The following PDE4DIP variants were observed in gnomAD, a reference collection of about 807,000 sequenced individuals.
The protein encoded by PDE4DIP is myomegalin.
In PDE4DIP, 59 loss-of-function variants were observed where a neutral mutation model predicts 221.4. The observed-to-expected ratio is 0.27, with a 90% CI of 0.22 to 0.33. The LOEUF (loss-of-function observed/expected upper bound fraction) is 0.33, where lower values mean the gene tolerates loss of function less well. PDE4DIP is among the 10% of genes least tolerant of loss of function. The pLI is 1.00. For synonymous variants in PDE4DIP, 404 were observed against 815.9 expected (o/e 0.50, Z 8.60); for missense variants, 1,036 against 2,154.2 (o/e 0.48, Z 10.28).
intron 37 of PDE4DIP, among the ~76,000 whole-genome samples, chr1:149,023,611 CACATATATATGTACATGTATATGTGT>C (rs2073876301): frequency 2.1e-5 from 3 of 141,820 alleles, no homozygotes; most frequent in Non-Finnish European, 4.6e-5. Flanking sequence ...TATATGTGTG[CACATATATATGTACATGTATATGTGT>C]GCACATATAT....
At chr1:148,929,818 T>G (rs1259593247) in intron 2 of PDE4DIP, 1 of 152,864 alleles carries the variant, frequency 6.5e-6, no homozygotes, top group East Asian at 1.9e-4. Context: ...TAAGGATGTT[T>G]ATTGCATCAT....
chr1:148,944,274 G>T (rs2051123161), intron 5 of PDE4DIP, among the ~76,000 whole-genome samples: 1 of 152,130 alleles, frequency 6.6e-6, no homozygotes, highest in Non-Finnish European at 1.5e-5. Flanking sequence ...AGGTGGAGGT[G>T]GTAGTGATAG....
intron 1 of PDE4DIP, among the ~76,000 whole-genome samples, chr1:148,898,723 C>T (rs1240346230): frequency 1.2e-5 from 1 of 84,522 alleles, no homozygotes; most frequent in Non-Finnish European, 2.2e-5. Context: ...GGGTTTTCAC[C>T]ACGTTAGCCA....
chr1:148,954,551 G>C (rs1342624530), intron 5 of PDE4DIP, among the ~76,000 whole-genome samples: 1 of 114,458 alleles, frequency 8.7e-6, no homozygotes, highest in Non-Finnish European at 1.9e-5. Flanking sequence ...AGTATTGTCA[G>C]TCAAAAGATT....
intron 5 of PDE4DIP, among the ~76,000 whole-genome samples, chr1:148,943,179 CA>C (rs2151012143): frequency 2.3e-5 from 1 of 43,522 alleles, no homozygotes; most frequent in South Asian, 1.0e-3. Flanking sequence ...ATTAGTAGCT[CA>C]GGCAGCTCCG....
At chr1:148,883,897 ATAGGCCTGT>A (rs1694813975) in intron 3 of PDE4DIP, among the ~76,000 whole-genome samples, 2 of 70,896 alleles carry the variant, frequency 2.8e-5, no homozygotes, top group Admixed American at 3.4e-4. Context: ...TTATCAACAT[ATAGGCCTGT>A]TTGCCATGAG....
At chr1:148,976,073 T>G (rs2060120773) in intron 17 of PDE4DIP, among the ~76,000 whole-genome samples, 1 of 151,452 alleles carries the variant, frequency 6.6e-6, no homozygotes, top group Non-Finnish European at 1.5e-5. Context: ...TTAGCCATTA[T>G]CTGATTATTC....
intron 1 of PDE4DIP, among the ~76,000 whole-genome samples, chr1:148,813,768 C>A (rs60567629): frequency 7.9e-6 from 1 of 126,508 alleles, no homozygotes. Context: ...TTTTTTTTTT[C>A]TTTTTTATCT....
At chr1:149,019,866 C>T (rs587682624) in intron 35 of PDE4DIP, among the ~76,000 whole-genome samples, 10 of 151,936 alleles carry the variant, frequency 6.6e-5, no homozygotes, top group African/African-American at 2.2e-4. Flanking sequence ...ATTGAACAGA[C>T]GATATGTGAG....
At chr1:148,970,149 C>T (rs1342020335) in intron 14 of PDE4DIP, among the ~76,000 whole-genome samples, 1 of 149,214 alleles carries the variant, frequency 6.7e-6, no homozygotes, top group Non-Finnish European at 1.5e-5. Flanking sequence ...CTCTTTTTTG[C>T]CTATGTTATT....
intron 21 of PDE4DIP, 27 bp downstream of exon 24, chr1:148,981,424 C>T (rs1332306449): frequency 6.2e-7 from 1 of 1,613,432 alleles, no homozygotes; most frequent in Non-Finnish European, 8.5e-7. Flanking sequence ...TGTGCGAATT[C>T]ATCACAAGCA....
chr1:148,968,935 G>A, exon 14 of PDE4DIP: 2 of 1,613,076 alleles, frequency 1.2e-6, no homozygotes, highest in Non-Finnish European at 1.7e-6. Context: ...GATGCTGCAG[G>A]ACCTTCTAAG....
chr1:149,009,859 T>C (rs2068067339), intron 30 of PDE4DIP, 68 bp downstream of exon 33: 1 of 1,128,490 alleles, frequency 8.9e-7, no homozygotes, highest in South Asian at 1.3e-5. Flanking sequence ...AAACAGGGCT[T>C]ATAGCTCCAC....
intron 1 of PDE4DIP, among the ~76,000 whole-genome samples, chr1:148,919,335 A>G (rs1363051187): frequency 2.0e-5 from 3 of 151,594 alleles, no homozygotes; most frequent in Non-Finnish European, 4.4e-5. Context: ...AGCTTTGGGG[A>G]CGACCAGTTT....
chr1:148,976,315 T>C (rs1457375618), intron 17 of PDE4DIP, among the ~76,000 whole-genome samples: 28 of 152,234 alleles, frequency 1.8e-4, no homozygotes, highest in Admixed American at 6.5e-4. Context: ...ACAGGAAAGA[T>C]ATTATAGCCT....
intron 14 of PDE4DIP, among the ~76,000 whole-genome samples, chr1:148,970,479 C>T (rs1553524917): frequency 6.6e-6 from 1 of 151,448 alleles, no homozygotes; most frequent in African/African-American, 2.4e-5. Flanking sequence ...GATTTTTCAA[C>T]TCAAGAAGAT....
At chr1:148,937,011 C>T (rs1436455969) in intron 4 of PDE4DIP, among the ~76,000 whole-genome samples, 5 of 152,144 alleles carry the variant, frequency 3.3e-5, no homozygotes, top group African/African-American at 9.7e-5. Flanking sequence ...AATACATAAA[C>T]CAGTAACATT....
intron 21 of PDE4DIP, chr1:148,983,670 C>T (rs1391521019): frequency 2.0e-5 from 3 of 152,438 alleles, no homozygotes; most frequent in African/African-American, 4.8e-5. Flanking sequence ...TATAATATTC[C>T]ATTTTCTCTA....
At chr1:148,875,986 G>A (rs1243098003) in intron 3 of PDE4DIP, among the ~76,000 whole-genome samples, 18 of 152,336 alleles carry the variant, frequency 1.2e-4, no homozygotes, top group Middle Eastern at 3.4e-3. Context: ...GTGCACGCGC[G>A]TGTGCGTGTG....
Sources: gnomAD v4.1 joint callset for allele counts (sites outside exome capture counted in the v4.1 genomes callset) on GRCh38, gnomAD v4.1.1 for gene constraint, MANE v1.5 for transcripts, NCBI Gene and HGNC (gene_info 2026-07-23, HGNC 2026-07-21) for gene names.